KCNK2: variants seen among roughly 807,000 people sequenced by gnomAD.
The protein encoded by KCNK2 is potassium channel subfamily K member 2.
Under a neutral mutation model 40.5 loss-of-function variants are expected in KCNK2, and 21 were observed. The ratio of observed to expected loss-of-function variants is 0.52; its 90% CI spans 0.37 to 0.75. The LOEUF (loss-of-function observed/expected upper bound fraction) is 0.75, where lower values mean the gene tolerates loss of function less well. Among genes scored for constraint, KCNK2 ranks in the 30% least tolerant of loss-of-function variants. The pLI is 0.00. For missense variants in KCNK2, 399 were observed against 531.6 expected (o/e 0.75, Z 2.45); for synonymous variants, 191 against 202.2 (o/e 0.94, Z 0.47).
chr1:215,010,964 A>G (rs1369956769), intron 1 of KCNK2, among the ~76,000 whole-genome samples: 2 of 145,422 alleles, frequency 1.4e-5, no homozygotes, highest in East Asian at 2.0e-4. Context: ...TATACATTAC[A>G]TAATATAAAT....
At chr1:215,202,987 C>T (rs556786607) in intron 6 of KCNK2, among the ~76,000 whole-genome samples, 4 of 152,058 alleles carry the variant, frequency 2.6e-5, no homozygotes, top group Admixed American at 2.6e-4. Flanking sequence ...TCCCATCCTC[C>T]CCCATTCTTC....
At chr1:215,060,899 A>T (rs1658340295) in intron 1 of KCNK2, among the ~76,000 whole-genome samples, 1 of 152,194 alleles carries the variant, frequency 6.6e-6, no homozygotes, top group Non-Finnish European at 1.5e-5. Context: ...CAACTAGAAG[A>T]TTATTTATAT....
intron 3 of KCNK2, among the ~76,000 whole-genome samples, chr1:215,130,329 G>A (rs1001963488): frequency 2.0e-5 from 3 of 152,094 alleles, no homozygotes; most frequent in East Asian, 1.9e-4. Flanking sequence ...TAGAAGCTCC[G>A]TACCCCCTAC....
At chr1:215,153,782 G>C (rs1306092389) in intron 3 of KCNK2, among the ~76,000 whole-genome samples, 2 of 151,816 alleles carry the variant, frequency 1.3e-5, no homozygotes, top group Non-Finnish European at 2.9e-5. Context: ...GGTGTGTGCT[G>C]TTCCCCTCCC....
chr1:215,192,102 A>G (rs1266655410), intron 5 of KCNK2, among the ~76,000 whole-genome samples: 1 of 152,206 alleles, frequency 6.6e-6, no homozygotes, highest in East Asian at 1.9e-4. Flanking sequence ...TTAAAAATAA[A>G]ACATTTTTTC....
At chr1:215,060,953 G>A (rs950712124) in intron 1 of KCNK2, among the ~76,000 whole-genome samples, 3 of 152,066 alleles carry the variant, frequency 2.0e-5, no homozygotes, top group African/African-American at 7.2e-5. Context: ...CAGAAGACAT[G>A]AATGTTAGGA....
At chr1:215,170,396 A>G (rs945894179) in intron 4 of KCNK2, among the ~76,000 whole-genome samples, 4 of 152,304 alleles carry the variant, frequency 2.6e-5, no homozygotes, top group African/African-American at 7.2e-5. Flanking sequence ...GAGTTCTTGG[A>G]AGAAAATTAT....
rs562335143 is a variant in KCNK2, at chr1:215,017,052, C to T, written c.34+11097C>T. On this transcript the variant is annotated intron_variant, in intron 1 of 6. Coordinates refer to the KCNK2 transcript ENST00000391895. ...AAACCACAATGAGATATCACCTCGCCCTATCAGAATGGCTATTATCAAAAA... is the reference window on the plus strand; with the variant it reads ...AAACCACAATGAGATATCACCTCGCTCTATCAGAATGGCTATTATCAAAAA... Among the ~76,000 whole-genome samples the T allele has an allele frequency of 2.6e-5, 4 of 152,010 alleles. No homozygotes were observed. The South Asian group carries it at 8.3e-4, about 32-fold the overall frequency.
chr1:215,093,676 C>A (rs1468617889), intron 2 of KCNK2, among the ~76,000 whole-genome samples: 3 of 72,940 alleles, frequency 4.1e-5, no homozygotes, highest in African/African-American at 1.2e-4. Flanking sequence ...ATAGAATATA[C>A]ATATATAATA....
At chr1:215,162,661 C>A (rs1663255698) in intron 3 of KCNK2, among the ~76,000 whole-genome samples, 1 of 152,106 alleles carries the variant, frequency 6.6e-6, no homozygotes, top group Admixed American at 6.6e-5. Context: ...TTCCCAACAC[C>A]ATTTATTAAA....
At chr1:215,030,557 C>T (rs1657150871) in intron 1 of KCNK2, among the ~76,000 whole-genome samples, 1 of 150,756 alleles carries the variant, frequency 6.6e-6, no homozygotes, top group African/African-American at 2.5e-5. Flanking sequence ...TTTTTTGAGA[C>T]AGAGTTTCAC....
chr1:215,137,114 T>A (rs2102596468), intron 3 of KCNK2, among the ~76,000 whole-genome samples: 1 of 152,318 alleles, frequency 6.6e-6, no homozygotes, highest in East Asian at 1.9e-4. Flanking sequence ...AAAATTAATA[T>A]GTAACAGTTT....
chr1:215,103,686 T>C (rs1031071407), intron 2 of KCNK2, among the ~76,000 whole-genome samples: 3 of 152,098 alleles, frequency 2.0e-5, no homozygotes, highest in Non-Finnish European at 4.4e-5. Context: ...TATTTTATAA[T>C]AATGATATCA....
At chr1:215,165,459 G>A (rs1663400093) in intron 3 of KCNK2, among the ~76,000 whole-genome samples, 5 of 152,098 alleles carry the variant, frequency 3.3e-5, no homozygotes, top group Admixed American at 3.3e-4. Flanking sequence ...AATCATGACT[G>A]CATTAACCTG....
intron 6 of KCNK2, among the ~76,000 whole-genome samples, chr1:215,229,179 A>G (rs1329663489): frequency 6.7e-6 from 1 of 150,374 alleles, no homozygotes; most frequent in Non-Finnish European, 1.5e-5. Flanking sequence ...TACCCCTGCT[A>G]TAATCTTATA....
At chr1:215,020,398 A>G (rs1656749041) in intron 1 of KCNK2, among the ~76,000 whole-genome samples, 1 of 152,216 alleles carries the variant, frequency 6.6e-6, no homozygotes. Flanking sequence ...AGGAATCCCC[A>G]AAATACGTTG....
At chr1:215,066,248 A>T (rs1304535971) in intron 1 of KCNK2, among the ~76,000 whole-genome samples, 1 of 152,180 alleles carries the variant, frequency 6.6e-6, no homozygotes, top group Non-Finnish European at 1.5e-5. Flanking sequence ...CATGTACCCC[A>T]GAACTTAAAG....
intron 6 of KCNK2, among the ~76,000 whole-genome samples, chr1:215,200,061 G>A (rs1665020263): frequency 6.6e-6 from 1 of 152,178 alleles, no homozygotes; most frequent in Admixed American, 6.5e-5. Context: ...ACAGTGAATT[G>A]ATAGGCAAGC....
At chr1:215,193,231 T>A (rs1354687903) in intron 5 of KCNK2, among the ~76,000 whole-genome samples, 1 of 152,174 alleles carries the variant, frequency 6.6e-6, no homozygotes, top group Admixed American at 6.6e-5. Context: ...TTATACTTGA[T>A]CTTTGATATA....
Sources: allele counts gnomAD v4.1 joint callset (sites outside exome capture counted in the v4.1 genomes callset), GRCh38; gene constraint gnomAD v4.1.1; transcripts MANE v1.5; gene names NCBI Gene and HGNC (gene_info 2026-07-23, HGNC 2026-07-21).